LINC00237: variants seen among roughly 807,000 people sequenced by gnomAD.
LINC00237 encodes long independently transcribed non-coding RNA 237, also known as long intergenic non-protein coding RNA 237.
chr20:21,105,724 G>T (rs1024455627), intron 1 of LINC00237, among the ~76,000 whole-genome samples: 5 of 152,224 alleles, frequency 3.3e-5, no homozygotes, highest in Non-Finnish European at 7.3e-5. Context: ...TAGGAATCCG[G>T]CTGGAAACCC....
rs542096600 is a variant in LINC00237 at position 21,096,322 on chromosome 20, T to A, written n.89-2470A>T. On this transcript the variant is annotated intron_variant and non_coding_transcript_variant, in intron 1 of 3. Coordinates refer to ENST00000691244, the Ensembl canonical transcript of LINC00237. ...CAGGACCCAGCCATTGGGGAACCGT[T>A]GCCTTCCTCAGTACATGACTCTCAT... Among the ~76,000 whole-genome samples the A allele has an allele frequency of 1.2e-4, 19 of 152,352 alleles. No individual in the cohort carries two copies. In the South Asian group the frequency reaches 3.9e-3, roughly 32 times the overall value.
chr20:21,102,284 C>G (rs2030942552), intron 1 of LINC00237, among the ~76,000 whole-genome samples: 1 of 152,192 alleles, frequency 6.6e-6, no homozygotes, highest in Non-Finnish European at 1.5e-5. Flanking sequence ...CAGAAAAGAT[C>G]CTGGAGCTAA....
At chr20:21,105,210 G>T (rs1160899840) in intron 1 of LINC00237, among the ~76,000 whole-genome samples, 2 of 152,266 alleles carry the variant, frequency 1.3e-5, no homozygotes, top group Non-Finnish European at 2.9e-5. Flanking sequence ...CCTGGACGCC[G>T]AGCCCTCTGG....
chr20:21,098,310 T>A (rs1282713729), intron 1 of LINC00237, among the ~76,000 whole-genome samples: 1 of 152,210 alleles, frequency 6.6e-6, no homozygotes, highest in Non-Finnish European at 1.5e-5. Flanking sequence ...ATAGCAGAGA[T>A]CATTTTTATA....
chr20:21,098,334 G>A (rs1323615418), intron 1 of LINC00237, among the ~76,000 whole-genome samples: 2 of 152,170 alleles, frequency 1.3e-5, no homozygotes, highest in African/African-American at 4.8e-5. Context: ...ATAAAAGCCT[G>A]CATGGCCCAG....
chr20:21,104,520 G>T (rs2030972567), intron 1 of LINC00237, among the ~76,000 whole-genome samples: 1 of 152,258 alleles, frequency 6.6e-6, no homozygotes, highest in Non-Finnish European at 1.5e-5. Flanking sequence ...CTTTGGGCCA[G>T]GACAGAGAGG....
intron 1 of LINC00237, among the ~76,000 whole-genome samples, chr20:21,105,761 G>T (rs893914475): frequency 4.6e-5 from 7 of 152,188 alleles, no homozygotes; most frequent in South Asian, 2.1e-4. Flanking sequence ...AGAGTTTTGC[G>T]GGCGTCTCTC....
At chr20:21,090,891 T>C (rs1157264061) in intron 2 of LINC00237, among the ~76,000 whole-genome samples, 2 of 152,206 alleles carry the variant, frequency 1.3e-5, no homozygotes, top group Non-Finnish European at 2.9e-5. Flanking sequence ...TACACTCATT[T>C]GGCTGTGACC....
chr20:21,090,846 T>G (rs934468961), intron 2 of LINC00237, among the ~76,000 whole-genome samples: 1 of 152,190 alleles, frequency 6.6e-6, no homozygotes, highest in African/African-American at 2.4e-5. Flanking sequence ...CAAGTGTCTT[T>G]ATCGCCAGCA....
intron 3 of LINC00237, among the ~76,000 whole-genome samples, chr20:21,086,653 ATAT>A (rs2030703973): frequency 9.3e-6 from 1 of 107,526 alleles, no homozygotes; most frequent in South Asian, 2.6e-4. Context: ...AGTATACTAT[ATAT>A]GTATAGTATA....
At chr20:21,086,255 T>C (rs1025020170) in intron 3 of LINC00237, among the ~76,000 whole-genome samples, 1 of 152,114 alleles carries the variant, frequency 6.6e-6, no homozygotes, top group Non-Finnish European at 1.5e-5. Flanking sequence ...TCACAAGACT[T>C]GCAGAAACAT....
intron 3 of LINC00237, among the ~76,000 whole-genome samples, chr20:21,086,985 T>C (rs937391087): frequency 2.8e-5 from 4 of 140,462 alleles, no homozygotes; most frequent in African/African-American, 1.1e-4. Context: ...CTATATGTAC[T>C]ATAGTACATA....
At chr20:21,104,413 C>T (rs1337412641) in intron 1 of LINC00237, among the ~76,000 whole-genome samples, 2 of 152,282 alleles carry the variant, frequency 1.3e-5, no homozygotes, top group African/African-American at 2.4e-5. Context: ...CTTAAAATGA[C>T]TCCGGCTGCA....
chr20:21,086,563 T>G (rs1037767070), intron 3 of LINC00237, among the ~76,000 whole-genome samples: 11 of 106,972 alleles, frequency 1.0e-4, no homozygotes, highest in Non-Finnish European at 7.8e-5. Context: ...ACTATATATA[T>G]AGTACATATA....
In LINC00237 at chr20:21,089,537, C is replaced by T. The variant is rs181751604; in HGVS notation, n.473-1507G>A. On this transcript the variant is annotated intron_variant and non_coding_transcript_variant, in intron 2 of 3. Coordinates refer to ENST00000691244, the Ensembl canonical transcript of LINC00237. The stretch of plus-strand genomic sequence containing the variant: ...GCCTCTTTCTTCTCTTCGCTGGGCT[C>T]GTAATTCTCTCCCTGAAGGTGTTTT... Among the ~76,000 whole-genome samples, 7 of 152,204 alleles carry T rather than the reference C, an allele frequency of 4.6e-5. No individual in the cohort carries two copies. In the East Asian group the frequency reaches 1.2e-3, roughly 25 times the overall value.
intron 1 of LINC00237, among the ~76,000 whole-genome samples, chr20:21,104,456 A>C (rs1331281099): frequency 6.6e-6 from 1 of 152,204 alleles, no homozygotes; most frequent in Non-Finnish European, 1.5e-5. Flanking sequence ...TTGTCCATAA[A>C]TCCTCTTTAG....
At chr20:21,085,717 T>C (rs2030682758) in exon 4 of LINC00237, among the ~76,000 whole-genome samples, 1 of 152,218 alleles carries the variant, frequency 6.6e-6, no homozygotes, top group Non-Finnish European at 1.5e-5. Context: ...GCTGATGTTT[T>C]TTTCTTCATC....
chr20:21,096,770 G>T (rs568271241), intron 1 of LINC00237, among the ~76,000 whole-genome samples: 2 of 152,286 alleles, frequency 1.3e-5, no homozygotes, highest in Non-Finnish European at 2.9e-5. Flanking sequence ...AGAATAAGCC[G>T]TTGGAGGCCC....
At chr20:21,091,216 A>G (rs1294658679) in intron 2 of LINC00237, among the ~76,000 whole-genome samples, 1 of 152,006 alleles carries the variant, frequency 6.6e-6, no homozygotes, top group African/African-American at 2.4e-5. Context: ...ATCCAGGGTA[A>G]CCCACACAAT....
Sources: gnomAD v4.1 joint callset for allele counts (sites outside exome capture counted in the v4.1 genomes callset) on GRCh38, gnomAD v4.1.1 for gene constraint, MANE v1.5 for transcripts, NCBI Gene and HGNC (gene_info 2026-07-23, HGNC 2026-07-21) for gene names.